Variants in C9 observed in about 807,000 individuals in gnomAD.
The protein encoded by C9 is complement component C9.
A neutral mutation model predicts 65.4 loss-of-function variants in C9; 63 were observed. The ratio of observed to expected loss-of-function variants is 0.96; its 90% CI spans 0.79 to 1.19. C9 has a LOEUF of 1.19. Ranked by LOEUF, C9 falls within the 50% of genes most tolerant of loss-of-function variation. The probability of loss-of-function intolerance (pLI) is 0.00; values close to 1 mark genes in which losing one functional copy is unlikely to be tolerated. For missense variants in C9, 744 were observed against 670.1 expected (o/e 1.11, Z -1.22); for synonymous variants, 229 against 227.9 (o/e 1.00, Z -0.04).
intron 1 of C9, among the ~76,000 whole-genome samples, chr5:39,350,096 G>T (rs1754294929): frequency 1.3e-5 from 2 of 152,160 alleles, no homozygotes; most frequent in African/African-American, 4.8e-5. Context: ...TGACTGGGAA[G>T]GTCTCAGAAA....
rs377015840 is a variant in C9, at chr5:39,286,845, CAT to C, written c.1646-1614_1646-1613del. Among the ~76,000 whole-genome samples, 207 of 152,000 alleles carry C rather than the reference CAT, an allele frequency of 1.4e-3. 1 individual carries two copies. The South Asian group carries it at 0.028, about 20-fold the overall frequency. Reference sequence around the variant, plus strand: ...TTCTAACTTACATATTTTGTCACCACATGATTGAGTTTCTAAGCCATTTGCTG... The same window carrying C: ...TTCTAACTTACATATTTTGTCACCACGATTGAGTTTCTAAGCCATTTGCTG... On this transcript the variant is annotated intron_variant, in intron 10 of 10. Transcript: ENST00000263408.
At position 39,309,172 on chromosome 5, in the gene C9, AAT is replaced by A. The variant is rs959862520; in HGVS notation, c.1112-816_1112-815del. Among the ~76,000 whole-genome samples the A allele has an allele frequency of 8.7e-4, 132 of 152,262 alleles. 1 individual carries two copies. Among genetic ancestry groups the A allele is most frequent in the African/African-American group, 2.8e-3 (116 of 41,554 alleles). ...ATCTGTTTTTGCAATTCATAAAAAA[AAT>A]AATTATTCCTCTATTTTAAGGGTAA... On this transcript the variant is annotated intron_variant, in intron 7 of 10. Transcript: ENST00000263408.
In C9 at chr5:39,349,251, C is replaced by T. The variant is rs538993560; in HGVS notation, c.78-7055G>A. Among the ~76,000 whole-genome samples the T allele has an allele frequency of 1.8e-4, 28 of 151,988 alleles. No homozygotes were observed. In the South Asian group the frequency reaches 5.8e-3, roughly 32 times the overall value. Reference sequence around the variant, plus strand: ...CCTCAAATTCTCTAGATCCCAGCTCCCCTTAGAGACTCTGATTCATTGAAT... The same window carrying T: ...CCTCAAATTCTCTAGATCCCAGCTCTCCTTAGAGACTCTGATTCATTGAAT... On this transcript the variant is annotated intron_variant, in intron 1 of 10. Transcript: ENST00000263408.
chr5:39,306,875 T>C, intron 8 of C9, 83 bp from the exon 9 acceptor site: 4 of 901,678 alleles, frequency 4.4e-6, no homozygotes, highest in Non-Finnish European at 7.3e-6. Context: ...GATAAACATT[T>C]ATTGAGTCCT....
At chr5:39,347,844 G>A (rs965766077) in intron 1 of C9, among the ~76,000 whole-genome samples, 4 of 151,966 alleles carry the variant, frequency 2.6e-5, no homozygotes, top group African/African-American at 9.7e-5. Context: ...GGAACAGAAT[G>A]GAGCCCTCAG....
intron 5 of C9, among the ~76,000 whole-genome samples, chr5:39,322,286 TTAAAA>T (rs1753677531): frequency 1.3e-5 from 2 of 151,848 alleles, no homozygotes; most frequent in Admixed American, 1.3e-4. Context: ...TAAAAATATC[TTAAAA>T]TAAATAAAAA....
At chr5:39,345,881 C>T (rs907126867) in intron 1 of C9, among the ~76,000 whole-genome samples, 9 of 152,200 alleles carry the variant, frequency 5.9e-5, no homozygotes, top group Non-Finnish European at 8.8e-5. Context: ...CAAAACCACT[C>T]AACTACATGG....
At position 39,316,957 on chromosome 5, in the gene C9, C is replaced by G. The variant is rs184838319; in HGVS notation, c.616-928G>C. Reference sequence around the variant, plus strand: ...CACAATAGTTGAACCAATTTACACACCCACCAACACTGTAAAAGCGTTCCT... The same window carrying G: ...CACAATAGTTGAACCAATTTACACAGCCACCAACACTGTAAAAGCGTTCCT... On this transcript the variant is annotated intron_variant, in intron 5 of 10. Transcript: ENST00000263408. Among the ~76,000 whole-genome samples, 517 of 152,312 alleles carry G rather than the reference C, an allele frequency of 3.4e-3. 4 individuals are homozygous for G. The highest frequency in any genetic ancestry group is 0.011 in the African/African-American group (459 of 41,568).
At chr5:39,318,984 C>T (rs1753622245) in intron 5 of C9, among the ~76,000 whole-genome samples, 1 of 152,152 alleles carries the variant, frequency 6.6e-6, no homozygotes, top group Non-Finnish European at 1.5e-5. Context: ...ACAACCCATG[C>T]TGTTCTTACC....
At chr5:39,354,544 A>G (rs1017783397) in intron 1 of C9, among the ~76,000 whole-genome samples, 6 of 152,172 alleles carry the variant, frequency 3.9e-5, no homozygotes, top group African/African-American at 1.4e-4. Context: ...GTGTAGGAGT[A>G]CTCATTATAT....
chr5:39,308,341 T>C lies in C9; in HGVS notation c.1129A>G (p.Ile377Val), dbSNP rs1206280086. ...AGATGATACCCAAGGCATCTCTTTATGTCTTTTAGTTCAACACCTGTTTAA... is the reference window on the plus strand; with the variant it reads ...AGATGATACCCAAGGCATCTCTTTACGTCTTTTAGTTCAACACCTGTTTAA... ...MKRKGVELKD[I>V]KRCLGYHLDV... Residue 377 changes from isoleucine (I) to valine (V), a missense_variant, in exon 8 of 11, where the codon ATA becomes GTA. Ile to Val is a conservative substitution (Grantham distance 29). Coordinates refer to ENST00000263408, the MANE Select transcript of C9 (RefSeq NM_001737.5). 1.3e-6 allele frequency: 2 copies of C among 1,597,106 alleles called. No individual in the cohort carries two copies. The highest frequency in any genetic ancestry group is 3.3e-4 in the Middle Eastern group (2 of 6,028).
At chr5:39,310,721 C>A (rs1160817825) in intron 7 of C9, among the ~76,000 whole-genome samples, 1 of 152,110 alleles carries the variant, frequency 6.6e-6, no homozygotes, top group African/African-American at 2.4e-5. Flanking sequence ...AAATTTAGAA[C>A]AATATTTTCC....
intron 9 of C9, among the ~76,000 whole-genome samples, chr5:39,304,197 T>C (rs1317795095): frequency 6.6e-6 from 1 of 152,120 alleles, no homozygotes. Flanking sequence ...CTATTGATAA[T>C]ATTAAGTGAG....
At position 39,315,809 on chromosome 5, in the gene C9, G is replaced by A. The variant is rs34625111; in HGVS notation, c.836C>T (p.Thr279Ile). 2 of 1,605,582 alleles carry A rather than the reference G, an allele frequency of 1.2e-6. No individual in the cohort carries two copies. Among genetic ancestry groups the A allele is most frequent in the Non-Finnish European group, 1.7e-6 (2 of 1,172,604 alleles). Residue 279 changes from threonine (T) to isoleucine (I), a missense_variant, in exon 6 of 11, where the codon ACT (threonine) becomes ATT (isoleucine). Coordinates refer to ENST00000263408, the MANE Select transcript of C9 (RefSeq NM_001737.5). ...SFRFSYSKNE[T>I]YQLFLSYSSK... ...AGAATATGACAAAAATAGTTGGTAA[G>A]TTTCATTTTTGGAATATGAAAACCG...
At chr5:39,340,818 A>G (rs533508821) in intron 4 of C9, among the ~76,000 whole-genome samples, 42 of 152,210 alleles carry the variant, frequency 2.8e-4, no homozygotes, top group Non-Finnish European at 5.4e-4. Context: ...CCAAATGTTA[A>G]CATATCATGT....
At chr5:39,305,825 G>A (rs1354408078) in intron 9 of C9, among the ~76,000 whole-genome samples, 1 of 151,964 alleles carries the variant, frequency 6.6e-6, no homozygotes, top group East Asian at 1.9e-4. Context: ...ATTGTTCACC[G>A]TTAGTCTTAT....
chr5:39,353,054 G>C (rs1754351345), intron 1 of C9, among the ~76,000 whole-genome samples: 1 of 152,128 alleles, frequency 6.6e-6, no homozygotes, highest in Non-Finnish European at 1.5e-5. Context: ...GAGATGTGAA[G>C]ACAGAAAAGG....
intron 4 of C9, among the ~76,000 whole-genome samples, chr5:39,337,483 C>T (rs1246832145): frequency 2.0e-5 from 3 of 152,208 alleles, no homozygotes; most frequent in African/African-American, 7.2e-5. Context: ...ATGAACACTT[C>T]TCATGGATGG....
intron 1 of C9, among the ~76,000 whole-genome samples, chr5:39,348,973 A>G (rs906474649): frequency 1.4e-5 from 2 of 145,062 alleles, no homozygotes; most frequent in African/African-American, 2.5e-5. Flanking sequence ...TTGAGCAATG[A>G]GAACACTTGG....
Sources: gnomAD v4.1 joint callset for allele counts (sites outside exome capture counted in the v4.1 genomes callset) on GRCh38, gnomAD v4.1.1 for gene constraint, MANE v1.5 for transcripts, NCBI Gene and HGNC (gene_info 2026-07-23, HGNC 2026-07-21) for gene names.